CSMD1: variants seen among roughly 807,000 people sequenced by gnomAD.
The protein encoded by CSMD1 is CUB and sushi domain-containing protein 1.
CSMD1 carries 213 observed loss-of-function variants against 417.5 expected under a neutral mutation model. The ratio of observed to expected loss-of-function variants is 0.51; its 90% CI spans 0.46 to 0.57. The LOEUF is 0.57. CSMD1 is among the 20% of genes least tolerant of loss of function. CSMD1 has a pLI of 0.00. For synonymous variants in CSMD1, 2,862 were observed against 1,736.8 expected (o/e 1.65, Z -16.11); for missense variants, 6,923 against 4,529.7 (o/e 1.53, Z -15.17).
chr8:3,787,647 C>A (rs1007687465), intron 5 of CSMD1, among the ~76,000 whole-genome samples: 1 of 152,064 alleles, frequency 6.6e-6, no homozygotes, highest in Non-Finnish European at 1.5e-5. Flanking sequence ...AGAAATAAGG[C>A]AGCTTGGTAA....
At chr8:4,263,118 G>A (rs1246994854) in intron 3 of CSMD1, among the ~76,000 whole-genome samples, 1 of 151,940 alleles carries the variant, frequency 6.6e-6, no homozygotes, top group African/African-American at 2.4e-5. Context: ...ATTTCTTGTG[G>A]GTGATATCAC....
Position 4,007,883 on chromosome 8 carries a change from C to T in CSMD1, c.611-9773G>A, listed in dbSNP as rs76217796. On this transcript the variant is annotated intron_variant, in intron 4 of 69. Coordinates refer to ENST00000635120, the MANE Select transcript of CSMD1 (RefSeq NM_033225.6). ...TTTATTTAGTTATAGAGATCTGTGG[C>T]TTTCTTAAGAATGAGTGTTAAAAAA... Among the ~76,000 whole-genome samples, 447 of 152,028 alleles carry T rather than the reference C, an allele frequency of 2.9e-3. 1 individual carries two copies. The highest frequency in any genetic ancestry group is 0.011 in the African/African-American group (436 of 41,356).
chr8:3,185,137 G>A (rs953573193), intron 36 of CSMD1, among the ~76,000 whole-genome samples: 1 of 152,240 alleles, frequency 6.6e-6, no homozygotes, highest in Non-Finnish European at 1.5e-5. Context: ...TGGCCTGGGA[G>A]GCCCCGAGGG....
At chr8:4,598,216 C>T (rs535524186) in intron 2 of CSMD1, among the ~76,000 whole-genome samples, 2 of 152,244 alleles carry the variant, frequency 1.3e-5, no homozygotes, top group East Asian at 3.9e-4. Context: ...TGAATATTTA[C>T]ATGCCTGAGA....
chr8:3,101,195 C>T (rs956647710), intron 46 of CSMD1, among the ~76,000 whole-genome samples: 4 of 152,040 alleles, frequency 2.6e-5, no homozygotes, highest in African/African-American at 7.2e-5. Flanking sequence ...ATTTAATTTA[C>T]CACCTCTTCC....
intron 6 of CSMD1, among the ~76,000 whole-genome samples, chr8:3,732,687 GA>G (rs1381128488): frequency 1.3e-5 from 2 of 151,654 alleles, no homozygotes; most frequent in Admixed American, 1.3e-4. Context: ...TTTTAAGACA[GA>G]AAAAAAGAAA....
chr8:4,220,344 A>G (rs976276294), intron 3 of CSMD1, among the ~76,000 whole-genome samples: 1 of 152,174 alleles, frequency 6.6e-6, no homozygotes, highest in African/African-American at 2.4e-5. Context: ...AGCATGTACA[A>G]CAGCAGGAAA....
intron 1 of CSMD1, among the ~76,000 whole-genome samples, chr8:4,935,782 G>A (rs1807574538): frequency 6.6e-6 from 1 of 152,140 alleles, no homozygotes; most frequent in African/African-American, 2.4e-5. Flanking sequence ...AGAAAGACGA[G>A]GAATACAAGA....
At chr8:4,836,544 G>C (rs1800503739) in intron 1 of CSMD1, among the ~76,000 whole-genome samples, 1 of 152,146 alleles carries the variant, frequency 6.6e-6, no homozygotes, top group South Asian at 2.1e-4. Context: ...AAAATATTTA[G>C]ACACAGAGAG....
At chr8:3,655,089 T>A (rs1199167370) in intron 7 of CSMD1, among the ~76,000 whole-genome samples, 1 of 152,226 alleles carries the variant, frequency 6.6e-6, no homozygotes, top group African/African-American at 2.4e-5. Flanking sequence ...ACCAATTTAT[T>A]TTCATTCAAA....
rs1491555928 is a variant in CSMD1 at position 3,466,598 on chromosome 8, TTG to T, written c.1561+2112_1561+2113del. On this transcript the variant is annotated intron_variant, in intron 12 of 69. Coordinates refer to ENST00000635120, the MANE Select transcript of CSMD1 (RefSeq NM_033225.6). ...GCTAATTTTTTTTTTTTTTTTTTTT[TTG>T]TATTCTGAGGAGAGATAGGGGTTTC... is the stretch of plus-strand genomic sequence containing the variant. Among the ~76,000 whole-genome samples the T allele has an allele frequency of 5.4e-5, 8 of 149,114 alleles. No homozygotes were observed. The East Asian group carries it at 1.4e-3, about 26-fold the overall frequency.
intron 10 of CSMD1, among the ~76,000 whole-genome samples, chr8:3,549,729 C>G (rs115128203): frequency 6.6e-6 from 1 of 152,122 alleles, no homozygotes; most frequent in Non-Finnish European, 1.5e-5. Flanking sequence ...AAAGTTCCCA[C>G]CAGCAAGAAG....
chr8:4,982,300 G>A (rs1473445782), intron 1 of CSMD1, among the ~76,000 whole-genome samples: 1 of 152,172 alleles, frequency 6.6e-6, no homozygotes, highest in Non-Finnish European at 1.5e-5. Context: ...ATTCAAATGG[G>A]AGATTGCTCC....
intron 65 of CSMD1, among the ~76,000 whole-genome samples, chr8:2,952,074 T>C (rs191454092): frequency 1.3e-3 from 195 of 152,356 alleles, no homozygotes; most frequent in African/African-American, 4.3e-3. Flanking sequence ...ATGTGTCTGT[T>C]TAAAAATGTG....
At chr8:4,460,217 A>T (rs1441767098) in intron 2 of CSMD1, among the ~76,000 whole-genome samples, 2 of 152,194 alleles carry the variant, frequency 1.3e-5, no homozygotes, top group Non-Finnish European at 2.9e-5. Context: ...GAATACGTGG[A>T]AGTTAAAAAA....
chr8:3,266,379 G>T (rs1053309577), intron 26 of CSMD1, among the ~76,000 whole-genome samples: 4 of 151,796 alleles, frequency 2.6e-5, no homozygotes, highest in Non-Finnish European at 5.9e-5. Context: ...GCTGAGGCGG[G>T]TGGATCACCT....
At chr8:4,882,332 T>C (rs1420677230) in intron 1 of CSMD1, among the ~76,000 whole-genome samples, 1 of 151,580 alleles carries the variant, frequency 6.6e-6, no homozygotes, top group Admixed American at 6.6e-5. Flanking sequence ...TCTCCTGACA[T>C]GTCGCCTGCT....
intron 5 of CSMD1, among the ~76,000 whole-genome samples, chr8:3,771,415 G>A (rs1798567117): frequency 6.6e-6 from 1 of 152,176 alleles, no homozygotes; most frequent in Non-Finnish European, 1.5e-5. Flanking sequence ...CATTCAAAAT[G>A]CTTTTTGCAG....
rs1563296612 is a variant in CSMD1 at position 4,753,406 on chromosome 8, CACACACACACACACA to C, written c.86-115863_86-115849del. The stretch of plus-strand genomic sequence containing the variant: ...CTTCCCTACTTTCCACCATAAACCA[CACACACACACACACA>C]CACACACACACACACACACACACAC... On this transcript the variant is annotated intron_variant, in intron 1 of 69. Coordinates refer to ENST00000635120, the MANE Select transcript of CSMD1 (RefSeq NM_033225.6). Among the ~76,000 whole-genome samples, 89 of 52,658 alleles carry C rather than the reference CACACACACACACACA, an allele frequency of 1.7e-3. 2 individuals carry two copies. The Middle Eastern group carries it at 0.056, about 33-fold the overall frequency. The allele number at this position is 52,658 out of a possible 152,430, so 34.5% of individuals were successfully genotyped here.
Sources: allele counts gnomAD v4.1 joint callset (sites outside exome capture counted in the v4.1 genomes callset), GRCh38; gene constraint gnomAD v4.1.1; transcripts MANE v1.5; gene names NCBI Gene and HGNC (gene_info 2026-07-23, HGNC 2026-07-21).